UST: variants seen among roughly 807,000 people sequenced by gnomAD.
The protein encoded by UST is chondroitin sulfate 2-O-sulfotransferase.
A neutral mutation model predicts 45.6 loss-of-function variants in UST; 21 were observed. That is an observed-to-expected ratio of 0.46 (90% CI 0.33 to 0.66). The LOEUF (loss-of-function observed/expected upper bound fraction) is 0.66, where lower values mean the gene tolerates loss of function less well. Ranked by LOEUF, UST falls within the 30% of genes least tolerant of loss-of-function variation. The pLI is 0.02. For synonymous variants in UST, 215 were observed against 200.6 expected (o/e 1.07, Z -0.61); for missense variants, 463 against 512.4 (o/e 0.90, Z 0.93).
chr6:149,038,961 T>C (rs753949685), intron 7 of UST, among the ~76,000 whole-genome samples: 2 of 152,206 alleles, frequency 1.3e-5, no homozygotes, highest in Non-Finnish European at 2.9e-5. Flanking sequence ...TGACACAATA[T>C]TTATATTTAT....
At chr6:148,885,266 C>T (rs188033654) in intron 1 of UST, among the ~76,000 whole-genome samples, 59 of 152,238 alleles carry the variant, frequency 3.9e-4, no homozygotes, top group East Asian at 3.9e-4. Context: ...GGATTTCTCA[C>T]GCTTCCCCTG....
At chr6:149,061,725 T>C (rs1394589081) in intron 7 of UST, among the ~76,000 whole-genome samples, 1 of 152,220 alleles carries the variant, frequency 6.6e-6, no homozygotes, top group African/African-American at 2.4e-5. Context: ...CCACCAGCTT[T>C]CTGTGGATAC....
intron 1 of UST, among the ~76,000 whole-genome samples, chr6:148,771,414 A>T (rs1485734692): frequency 6.6e-6 from 1 of 152,194 alleles, no homozygotes; most frequent in African/African-American, 2.4e-5. Context: ...CGCTTGTTGG[A>T]TGACATCCAG....
chr6:148,844,961 T>C (rs1034727678), intron 1 of UST, among the ~76,000 whole-genome samples: 3 of 152,158 alleles, frequency 2.0e-5, no homozygotes, highest in African/African-American at 7.2e-5. Flanking sequence ...GGTTTCATTG[T>C]TGTTGTTTTT....
intron 1 of UST, among the ~76,000 whole-genome samples, chr6:148,791,624 G>C (rs1776849863): frequency 6.6e-6 from 1 of 152,138 alleles, no homozygotes; most frequent in South Asian, 2.1e-4. Flanking sequence ...GCACATTTCA[G>C]TACAATACTC....
chr6:148,833,933 A>G (rs1468587462), intron 1 of UST, among the ~76,000 whole-genome samples: 1 of 152,202 alleles, frequency 6.6e-6, no homozygotes, highest in Non-Finnish European at 1.5e-5. Context: ...TCTTATCAAT[A>G]TGAGCATTCT....
intron 1 of UST, among the ~76,000 whole-genome samples, chr6:148,764,684 G>A (rs981589102): frequency 5.9e-5 from 9 of 152,178 alleles, no homozygotes; most frequent in African/African-American, 1.9e-4. Context: ...GTTTTTATTA[G>A]CAGTTTTCAA....
intron 5 of UST, among the ~76,000 whole-genome samples, chr6:149,014,096 C>T (rs531935022): frequency 1.3e-5 from 2 of 152,308 alleles, no homozygotes; most frequent in South Asian, 4.1e-4. Context: ...GCCTGTGGGC[C>T]TGGCAGTGCA....
At chr6:148,909,813 C>T (rs978427605) in intron 2 of UST, among the ~76,000 whole-genome samples, 6 of 152,254 alleles carry the variant, frequency 3.9e-5, no homozygotes, top group African/African-American at 7.2e-5. Flanking sequence ...CTGTCCCCCC[C>T]GCCACAGCAA....
intron 7 of UST, among the ~76,000 whole-genome samples, chr6:149,047,222 T>C (rs1776408879): frequency 6.6e-6 from 1 of 152,178 alleles, no homozygotes. Context: ...TACATATCTG[T>C]GAAATGGAGT....
At chr6:148,766,258 T>C (rs1488256680) in intron 1 of UST, among the ~76,000 whole-genome samples, 1 of 152,136 alleles carries the variant, frequency 6.6e-6, no homozygotes, top group Non-Finnish European at 1.5e-5. Flanking sequence ...GAGTAAGTCT[T>C]GCTCACAAGG....
At chr6:148,999,974 C>T (rs550787002) in intron 5 of UST, among the ~76,000 whole-genome samples, 5 of 152,326 alleles carry the variant, frequency 3.3e-5, no homozygotes, top group African/African-American at 1.2e-4. Context: ...AGAACATCCT[C>T]ATGCATGGAG....
intron 2 of UST, among the ~76,000 whole-genome samples, chr6:148,932,486 C>T (rs1012716685): frequency 2.0e-5 from 3 of 152,144 alleles, no homozygotes; most frequent in Non-Finnish European, 2.9e-5. Context: ...GGTACTGTGG[C>T]ATTAAAAGTG....
chr6:148,815,270 T>A (rs1486805626), intron 1 of UST, among the ~76,000 whole-genome samples: 2 of 152,244 alleles, frequency 1.3e-5, no homozygotes, highest in Non-Finnish European at 2.9e-5. Flanking sequence ...GCTAATAGTA[T>A]TAGTTGCCTC....
chr6:148,919,444 G>GTGTGTGTGTGTGTGTGTA (rs4047184), intron 2 of UST, among the ~76,000 whole-genome samples: 5 of 147,452 alleles, frequency 3.4e-5, no homozygotes, highest in African/African-American at 1.3e-4. Context: ...GTGTGTGTGT[G>GTGTGTGTGTGTGTGTGTA]TACACTTCTG....
chr6:148,815,065 T>G (rs546402565), intron 1 of UST, among the ~76,000 whole-genome samples: 1 of 152,300 alleles, frequency 6.6e-6, no homozygotes, highest in South Asian at 2.1e-4. Flanking sequence ...CCGTGGTATA[T>G]CCACACAATG....
At chr6:148,932,434 C>T (rs533917710) in intron 2 of UST, among the ~76,000 whole-genome samples, 1 of 152,254 alleles carries the variant, frequency 6.6e-6, no homozygotes, top group Admixed American at 6.5e-5. Flanking sequence ...TTTATGGCTG[C>T]TTTTTGCCTA....
intron 1 of UST, among the ~76,000 whole-genome samples, chr6:148,786,746 A>G (rs1776741833): frequency 6.6e-6 from 1 of 152,212 alleles, no homozygotes; most frequent in Non-Finnish European, 1.5e-5. Flanking sequence ...TCCTTTGGGT[A>G]TGTGTCCAGT....
At chr6:148,824,364 A>G (rs1328002652) in intron 1 of UST, among the ~76,000 whole-genome samples, 1 of 152,168 alleles carries the variant, frequency 6.6e-6, no homozygotes, top group Admixed American at 6.5e-5. Flanking sequence ...ACAGTAAGAG[A>G]CATTTCCTTG....
Sources: allele counts gnomAD v4.1 joint callset (sites outside exome capture counted in the v4.1 genomes callset), GRCh38; gene constraint gnomAD v4.1.1; transcripts MANE v1.5; gene names NCBI Gene and HGNC (gene_info 2026-07-23, HGNC 2026-07-21).